Variants in HS6ST3 observed in about 807,000 individuals in gnomAD.
The protein encoded by HS6ST3 is heparan sulfate 6-O-sulfotransferase 3, also known as heparan-sulfate 6-O-sulfotransferase 3.
A neutral mutation model predicts 36.7 loss-of-function variants in HS6ST3; 12 were observed. The ratio of observed to expected loss-of-function variants is 0.33; its 90% CI spans 0.21 to 0.53. The LOEUF is 0.53. Among genes scored for constraint, HS6ST3 ranks in the 20% least tolerant of loss-of-function variants. HS6ST3 has a pLI of 0.95. For missense variants in HS6ST3, 584 were observed against 640.9 expected, an observed-to-expected ratio of 0.91 and a Z score of 0.96; for synonymous variants, 240 against 257.5, an observed-to-expected ratio of 0.93 and a Z score of 0.65.
chr13:96,491,405 C>G (rs1211599315), intron 1 of HS6ST3, among the ~76,000 whole-genome samples: 6 of 133,436 alleles, frequency 4.5e-5, no homozygotes, highest in African/African-American at 1.7e-4. Flanking sequence ...ACTTTGTTTT[C>G]AAGGGGAAGA....
At chr13:96,439,690 T>G (rs1166735606) in intron 1 of HS6ST3, among the ~76,000 whole-genome samples, 1 of 152,192 alleles carries the variant, frequency 6.6e-6, no homozygotes, top group Non-Finnish European at 1.5e-5. Flanking sequence ...ATGTTAAATG[T>G]TTGGAATGAT....
intron 1 of HS6ST3, among the ~76,000 whole-genome samples, chr13:96,652,911 T>C (rs1165681143): frequency 6.6e-6 from 1 of 152,114 alleles, no homozygotes; most frequent in Non-Finnish European, 1.5e-5. Flanking sequence ...GGAGAAAATG[T>C]TTTATTTTGT....
At chr13:96,338,087 T>G (rs2055110944) in intron 1 of HS6ST3, among the ~76,000 whole-genome samples, 1 of 152,154 alleles carries the variant, frequency 6.6e-6, no homozygotes, top group Non-Finnish European at 1.5e-5. Flanking sequence ...AGATTTTTTT[T>G]TTCTCTATTG....
intron 1 of HS6ST3, among the ~76,000 whole-genome samples, chr13:96,791,500 C>CA (rs775367700): frequency 8.9e-4 from 135 of 151,884 alleles, no homozygotes; most frequent in Non-Finnish European, 2.5e-4. Context: ...CAGGCACCCA[C>CA]AAAAAACCAT....
intron 1 of HS6ST3, among the ~76,000 whole-genome samples, chr13:96,156,526 G>A (rs114665483): frequency 0.012 from 1,780 of 152,314 alleles, 33 homozygotes; most frequent in African/African-American, 0.041. Context: ...GAATGGTAGA[G>A]CTGAGTTCCT....
rs147672054 is a variant in HS6ST3 at position 96,771,867 on chromosome 13, A to G, written c.708-60623A>G. On this transcript the variant is annotated intron_variant, in intron 1 of 1. Transcript: ENST00000376705. ...TGTAAAAGATAAGATATGTTTTGCC[A>G]AGGAGGTCATCTTCCCCCATTTCCT... Among the ~76,000 whole-genome samples the G allele has an allele frequency of 7.0e-4, 107 of 152,332 alleles. 2 individuals are homozygous for G. The highest frequency in any genetic ancestry group is 2.5e-3 in the African/African-American group (102 of 41,580).
chr13:96,098,884 A>C (rs187394093), intron 1 of HS6ST3, among the ~76,000 whole-genome samples: 9 of 152,330 alleles, frequency 5.9e-5, no homozygotes, highest in Admixed American at 5.9e-4. Context: ...TGAGGAAATC[A>C]TAAAAGAGTT....
At chr13:96,256,642 G>A (rs1326028438) in intron 1 of HS6ST3, among the ~76,000 whole-genome samples, 1 of 152,082 alleles carries the variant, frequency 6.6e-6, no homozygotes, top group Non-Finnish European at 1.5e-5. Context: ...TTTTTTATTT[G>A]TTAGATTTTC....
At chr13:96,114,410 A>G (rs929779416) in intron 1 of HS6ST3, among the ~76,000 whole-genome samples, 2 of 152,116 alleles carry the variant, frequency 1.3e-5, no homozygotes, top group African/African-American at 2.4e-5. Context: ...TTGGCCTCCT[A>G]AAGTACTGTG....
At chr13:96,806,744 C>T (rs571325143) in intron 1 of HS6ST3, among the ~76,000 whole-genome samples, 3 of 152,286 alleles carry the variant, frequency 2.0e-5, no homozygotes, top group South Asian at 2.1e-4. Flanking sequence ...AAAGGGTTGA[C>T]GCACATCTAG....
chr13:96,614,322 A>AAC (rs2056466661), intron 1 of HS6ST3, among the ~76,000 whole-genome samples: 1 of 148,394 alleles, frequency 6.7e-6, no homozygotes, highest in Non-Finnish European at 1.5e-5. Context: ...AAAAAAAAAA[A>AAC]AAAAAACAGT....
intron 1 of HS6ST3, among the ~76,000 whole-genome samples, chr13:96,781,086 T>G (rs1877514252): frequency 6.6e-6 from 1 of 152,232 alleles, no homozygotes; most frequent in South Asian, 2.1e-4. Context: ...TGTCTAACTA[T>G]GAAGACGCTC....
At chr13:96,201,194 G>C (rs948774450) in intron 1 of HS6ST3, among the ~76,000 whole-genome samples, 2 of 152,058 alleles carry the variant, frequency 1.3e-5, no homozygotes, top group Non-Finnish European at 2.9e-5. Context: ...GATCGATTTG[G>C]GGCCTGATTT....
rs190503147 is a variant in HS6ST3, at chr13:96,291,476, A to C, written c.707+199907A>C. Among the ~76,000 whole-genome samples, 117 of 152,302 alleles carry C rather than the reference A, an allele frequency of 7.7e-4. 3 individuals carry two copies. Among genetic ancestry groups the C allele is most frequent in the Admixed American group, 6.6e-3 (101 of 15,276 alleles). ...TTGAATATGGGCTAGGAAACAAGGA[A>C]AATCCACGTGCTAGTGTGGAAAGAT... On this transcript the variant is annotated intron_variant, in intron 1 of 1. Transcript: ENST00000376705.
At chr13:96,393,123 A>G (rs1323310966) in intron 1 of HS6ST3, among the ~76,000 whole-genome samples, 1 of 152,184 alleles carries the variant, frequency 6.6e-6, no homozygotes, top group Non-Finnish European at 1.5e-5. Flanking sequence ...GCCTGCTGCC[A>G]TGTAAGACGT....
At chr13:96,665,266 A>G (rs1202938317) in intron 1 of HS6ST3, among the ~76,000 whole-genome samples, 2 of 152,226 alleles carry the variant, frequency 1.3e-5, no homozygotes, top group Non-Finnish European at 2.9e-5. Flanking sequence ...GCATTCATTG[A>G]TGTATAAGAT....
At chr13:96,288,767 T>C (rs2054815893) in intron 1 of HS6ST3, among the ~76,000 whole-genome samples, 1 of 152,108 alleles carries the variant, frequency 6.6e-6, no homozygotes, top group South Asian at 2.1e-4. Context: ...AAAGATGCCT[T>C]ATTTTGCTCT....
intron 1 of HS6ST3, among the ~76,000 whole-genome samples, chr13:96,482,409 CAAT>C (rs2055894234): frequency 6.6e-6 from 1 of 151,718 alleles, no homozygotes; most frequent in Non-Finnish European, 1.5e-5. Flanking sequence ...GCTCATATGA[CAAT>C]AATTTTTTCA....
In HS6ST3 at chr13:96,833,102, G is replaced by A. The variant is rs372819266; in HGVS notation, c.1320G>A (p.Leu440=). The change falls in exon 2 of 2, where the codon CTG becomes CTA. Residue 440 remains leucine, a synonymous_variant. Transcript: ENST00000376705. ...DRQKRREERR[L]QREHRDHQWP... ...AGAAGCGGCGGGAGGAGCGGAGGCT[G>A]CAGCGAGAGCACAGGGACCACCAGT... 1 of 1,606,366 alleles carries A rather than the reference G, an allele frequency of 6.2e-7. No individual in the cohort carries two copies. Among genetic ancestry groups the A allele is most frequent in the Non-Finnish European group, 8.5e-7 (1 of 1,179,954 alleles).
Sources: gnomAD v4.1 joint callset for allele counts (sites outside exome capture counted in the v4.1 genomes callset) on GRCh38, gnomAD v4.1.1 for gene constraint, MANE v1.5 for transcripts, NCBI Gene and HGNC (gene_info 2026-07-23, HGNC 2026-07-21) for gene names.